Variants in RAB3C observed in about 807,000 individuals in gnomAD.
The protein encoded by RAB3C is RAB3C, member RAS oncogene family.
A neutral mutation model predicts 26.4 loss-of-function variants in RAB3C; 17 were observed. The ratio of observed to expected loss-of-function variants is 0.64; its 90% confidence interval spans 0.44 to 0.97. RAB3C has a LOEUF of 0.97. Among genes scored for constraint, RAB3C ranks in the 50% least tolerant of loss-of-function variants. The pLI is 0.00. For synonymous variants in RAB3C, 91 were observed against 95.9 expected, an observed-to-expected ratio of 0.95 and a Z score of 0.30; for missense variants, 242 against 281.9, an observed-to-expected ratio of 0.86 and a Z score of 1.01.
chr5:58,745,498 A>G (rs1467704692), intron 3 of RAB3C, among the ~76,000 whole-genome samples: 4 of 151,044 alleles, frequency 2.6e-5, no homozygotes, highest in African/African-American at 7.3e-5. Context: ...ATTCAAATGC[A>G]TGGTGCTCCC....
At chr5:58,819,338 A>C (rs1743287621) in intron 3 of RAB3C, among the ~76,000 whole-genome samples, 1 of 152,240 alleles carries the variant, frequency 6.6e-6, no homozygotes, top group African/African-American at 2.4e-5. Flanking sequence ...CTGAGTTGGA[A>C]GGGATGGGAA....
intron 2 of RAB3C, among the ~76,000 whole-genome samples, chr5:58,657,413 G>A (rs190635902): frequency 3.9e-4 from 59 of 152,054 alleles, no homozygotes; most frequent in Admixed American, 1.1e-3. Flanking sequence ...AAGAGTATTC[G>A]GGGAAGGACT....
chr5:58,766,803 G>A (rs1042904256), intron 3 of RAB3C, among the ~76,000 whole-genome samples: 3 of 152,168 alleles, frequency 2.0e-5, no homozygotes, highest in African/African-American at 7.2e-5. Flanking sequence ...ACCTGTTAGG[G>A]TTTAGAGAGT....
Position 58,849,157 on chromosome 5 carries a change from G to A in RAB3C, c.497-2007G>A, listed in dbSNP as rs148548473. Among the ~76,000 whole-genome samples the A allele has an allele frequency of 6.8e-3, 1,037 of 152,250 alleles. 12 individuals are homozygous for A. Among genetic ancestry groups the A allele is most frequent in the Non-Finnish European group, 8.6e-3 (588 of 68,008 alleles). On this transcript the variant is annotated intron_variant, in intron 4 of 4. Transcript: ENST00000282878. ...TAATGGCTAAATCTTTTATGATACC[G>A]TTCAAGCTCAGTGACTTCCCAAATC...
chr5:58,747,011 G>T (rs547788642), intron 3 of RAB3C, among the ~76,000 whole-genome samples: 3 of 152,238 alleles, frequency 2.0e-5, no homozygotes, highest in Non-Finnish European at 4.4e-5. Flanking sequence ...TAATTATTTT[G>T]CCAGAAACTT....
chr5:58,638,733 A>T (rs1747343547), intron 2 of RAB3C, among the ~76,000 whole-genome samples: 1 of 152,226 alleles, frequency 6.6e-6, no homozygotes, highest in African/African-American at 2.4e-5. Flanking sequence ...GAACGTATGC[A>T]AGCTGTATAT....
intron 4 of RAB3C, among the ~76,000 whole-genome samples, chr5:58,826,162 C>A (rs957212670): frequency 1.3e-5 from 2 of 152,038 alleles, no homozygotes; most frequent in Middle Eastern, 3.4e-3. Context: ...AAGAGCAATG[C>A]AGAGAGGGCC....
chr5:58,590,637 G>A (rs1746108710), intron 1 of RAB3C, among the ~76,000 whole-genome samples: 1 of 151,990 alleles, frequency 6.6e-6, no homozygotes, highest in Admixed American at 6.6e-5. Context: ...CTACCTCCTG[G>A]GTTCAAGCGA....
At chr5:58,724,608 A>AT (rs1313137669) in intron 2 of RAB3C, among the ~76,000 whole-genome samples, 1 of 151,666 alleles carries the variant, frequency 6.6e-6, no homozygotes, top group Admixed American at 6.6e-5. Flanking sequence ...CTATCTTTTT[A>AT]TTTTGTTTTC....
intron 3 of RAB3C, among the ~76,000 whole-genome samples, chr5:58,782,607 C>T (rs971575886): frequency 2.0e-5 from 3 of 151,988 alleles, no homozygotes; most frequent in East Asian, 1.9e-4. Flanking sequence ...CTAAATCAGC[C>T]GAAACATGAA....
intron 2 of RAB3C, among the ~76,000 whole-genome samples, chr5:58,650,563 C>T (rs190805663): frequency 3.4e-4 from 52 of 152,260 alleles, no homozygotes; most frequent in African/African-American, 1.1e-3. Flanking sequence ...AATTGGCATA[C>T]GTGTGCTAAA....
chr5:58,646,129 C>A (rs1204147698), intron 2 of RAB3C, among the ~76,000 whole-genome samples: 1 of 152,114 alleles, frequency 6.6e-6, no homozygotes, highest in East Asian at 1.9e-4. Flanking sequence ...ATTTTGGCTT[C>A]ATTCTTTGAG....
chr5:58,665,525 T>G (rs1175611921), intron 2 of RAB3C, among the ~76,000 whole-genome samples: 1 of 152,176 alleles, frequency 6.6e-6, no homozygotes, highest in East Asian at 1.9e-4. Flanking sequence ...AGAAGACTAT[T>G]TATTAGTACC....
At chr5:58,660,221 C>A (rs965706956) in intron 2 of RAB3C, among the ~76,000 whole-genome samples, 5 of 150,066 alleles carry the variant, frequency 3.3e-5, no homozygotes, top group Non-Finnish European at 7.3e-5. Context: ...TAGATGTGAA[C>A]CATATTAGAT....
Position 58,583,401 on chromosome 5 carries a change from TGG to T in RAB3C, c.24+170_24+171del, listed in dbSNP as rs1171696582. ...GAGTTGGGTTTCTTTACGCTCTGTG[TGG>T]CTGTGATTGGGGCTGTCTTGATGAG... On this transcript the variant is annotated intron_variant, in intron 1 of 4. Coordinates refer to ENST00000282878, the MANE Select transcript of RAB3C (RefSeq NM_138453.4). 3 of 931,572 alleles carry T rather than the reference TGG, an allele frequency of 3.2e-6. No homozygotes were observed. The East Asian group carries it at 3.5e-4, about 109-fold the overall frequency. The allele number at this position is 931,572 out of a possible 1,614,324, so 57.7% of individuals were successfully genotyped here.
chr5:58,789,251 A>G (rs544699839), intron 3 of RAB3C, among the ~76,000 whole-genome samples: 45 of 152,216 alleles, frequency 3.0e-4, no homozygotes, highest in African/African-American at 8.2e-4. Flanking sequence ...TCTTCTCACA[A>G]CATTAACCAA....
At chr5:58,681,513 G>A (rs963717975) in intron 2 of RAB3C, among the ~76,000 whole-genome samples, 2 of 152,198 alleles carry the variant, frequency 1.3e-5, no homozygotes, top group African/African-American at 4.8e-5. Flanking sequence ...AAATTAAGAT[G>A]AAGTGTCATA....
intron 2 of RAB3C, among the ~76,000 whole-genome samples, chr5:58,626,904 T>C (rs1165318229): frequency 3.3e-5 from 5 of 152,164 alleles, no homozygotes; most frequent in African/African-American, 1.2e-4. Context: ...GAAGTAATGA[T>C]ATATACAAGC....
At chr5:58,701,217 G>A (rs1388709244) in intron 2 of RAB3C, among the ~76,000 whole-genome samples, 5 of 152,148 alleles carry the variant, frequency 3.3e-5, no homozygotes, top group Admixed American at 3.3e-4. Flanking sequence ...TAGCCAGGAT[G>A]GTCTCGATCT....
Sources: gnomAD v4.1 joint callset for allele counts (sites outside exome capture counted in the v4.1 genomes callset) on GRCh38, gnomAD v4.1.1 for gene constraint, MANE v1.5 for transcripts, NCBI Gene and HGNC (gene_info 2026-07-23, HGNC 2026-07-21) for gene names.